The following C1orf198 variants were observed in gnomAD, a reference collection of about 807,000 sequenced individuals.
C1orf198 encodes chromosome 1 open reading frame 198.
In C1orf198, 17 loss-of-function variants were observed where a neutral mutation model predicts 31.4. The observed-to-expected ratio is 0.54, with a 90% CI of 0.37 to 0.81. C1orf198 has a LOEUF of 0.81. Among genes scored for constraint, C1orf198 ranks in the 40% least tolerant of loss-of-function variants. The pLI is 0.00. For missense variants in C1orf198, 401 were observed against 450.3 expected (o/e 0.89, Z 0.99); for synonymous variants, 175 against 193.8 (o/e 0.90, Z 0.81).
intron 1 of C1orf198, among the ~76,000 whole-genome samples, chr1:230,865,819 TCAC>T (rs1670106647): frequency 1.3e-5 from 2 of 152,248 alleles, no homozygotes; most frequent in South Asian, 4.1e-4. Context: ...TAGAAGATGA[TCAC>T]CACATTTGGA....
At chr1:230,851,877 A>C (rs1410804838) in intron 2 of C1orf198, among the ~76,000 whole-genome samples, 1 of 152,226 alleles carries the variant, frequency 6.6e-6, no homozygotes, top group Non-Finnish European at 1.5e-5. Flanking sequence ...ACCGCAGCTC[A>C]TTCTGTGGAG....
rs537917441 is a variant in C1orf198, at chr1:230,837,547, T to C, written c.*2305A>G. On this transcript the variant is annotated 3_prime_UTR_variant, in exon 4 of 4. Transcript: ENST00000366663. Reference sequence around the variant, plus strand: ...ACTCCTGGTTTGAGAAACTCCCTCATGATGAATGGGAGGAAAATCATGGCA... The same window carrying C: ...ACTCCTGGTTTGAGAAACTCCCTCACGATGAATGGGAGGAAAATCATGGCA... The C allele has an allele frequency of 7.2e-5, 11 of 152,328 alleles. No homozygotes were observed. The highest frequency in any genetic ancestry group is 2.9e-5 in the Non-Finnish European group (2 of 68,026). 9.4% of individuals were successfully genotyped at this position (152,328 alleles called of 1,614,324 possible). A position where few individuals can be genotyped will look rare whatever the true frequency, so the allele number is the denominator to read the frequency against.
chr1:230,846,485 G>A (rs1474686487), intron 2 of C1orf198, among the ~76,000 whole-genome samples: 1 of 152,270 alleles, frequency 6.6e-6, no homozygotes, highest in East Asian at 1.9e-4. Flanking sequence ...TACTTTTCCT[G>A]TGTGAAGTGC....
chr1:230,842,294 T>A (rs1002217592), intron 3 of C1orf198, among the ~76,000 whole-genome samples: 3 of 152,204 alleles, frequency 2.0e-5, no homozygotes, highest in Non-Finnish European at 4.4e-5. Context: ...AATGTTTGTA[T>A]ATTTTACCAT....
intron 2 of C1orf198, among the ~76,000 whole-genome samples, chr1:230,854,766 G>A (rs1023122301): frequency 6.6e-6 from 1 of 152,116 alleles, no homozygotes; most frequent in African/African-American, 2.4e-5. Flanking sequence ...GCCTCTCAGG[G>A]TCCTTCATGA....
At position 230,857,419 on chromosome 1, in the gene C1orf198, A is replaced by C. The variant is rs949296269; in HGVS notation, c.334-1701T>G. On this transcript the variant is annotated intron_variant, in intron 1 of 3. Transcript: ENST00000366663. This position sits in a 1 kb window ranked among gnomAD's most constrained non-coding sequence, Gnocchi z 4.2. ...CTTTCACAGGTTGATTTTCCCCCAC[A>C]ATCACCCGCTCCCAACACTCACACT... is the stretch of plus-strand genomic sequence containing the variant. 6.6e-6 allele frequency among the ~76,000 whole-genome samples: 1 copy of C among 152,124 alleles called. No homozygotes were observed. The highest frequency in any genetic ancestry group is 1.5e-5 in the Non-Finnish European group (1 of 68,024).
intron 2 of C1orf198, among the ~76,000 whole-genome samples, chr1:230,853,434 AG>A (rs1303781619): frequency 6.6e-6 from 1 of 152,078 alleles, no homozygotes; most frequent in East Asian, 1.9e-4. Context: ...CTCTTCAAGC[AG>A]GATGGCAGGG....
intron 2 of C1orf198, 39 bp downstream of exon 2, chr1:230,855,629 T>C: frequency 6.3e-7 from 1 of 1,599,406 alleles, no homozygotes; most frequent in Non-Finnish European, 8.5e-7. Flanking sequence ...CTCAGTTCTT[T>C]TTAAAAGAAC....
upstream of C1orf198, chr1:230,868,664 C>T (rs1670185337): frequency 2.0e-6 from 1 of 504,650 alleles, no homozygotes; most frequent in Non-Finnish European, 2.6e-6. Flanking sequence ...GCTCCCCAAG[C>T]CCCGGGACCC....
chr1:230,847,701 T>C (rs1487623233), intron 2 of C1orf198, among the ~76,000 whole-genome samples: 1 of 152,196 alleles, frequency 6.6e-6, no homozygotes, highest in Non-Finnish European at 1.5e-5. Context: ...ATTTCCAAAT[T>C]CCACAACAGA....
intron 2 of C1orf198, among the ~76,000 whole-genome samples, chr1:230,849,584 G>T (rs1267580918): frequency 6.6e-6 from 1 of 152,232 alleles, no homozygotes; most frequent in East Asian, 1.9e-4. Flanking sequence ...AGTTGGCCAT[G>T]TCTGTTCTAA....
chr1:230,866,053 T>A (rs977165563), intron 1 of C1orf198, among the ~76,000 whole-genome samples: 1 of 152,082 alleles, frequency 6.6e-6, no homozygotes, highest in African/African-American at 2.4e-5. Flanking sequence ...AAACTTGGGG[T>A]CACCTATTTG....
chr1:230,849,964 G>T (rs747094355), intron 2 of C1orf198, among the ~76,000 whole-genome samples: 2 of 152,206 alleles, frequency 1.3e-5, no homozygotes, highest in African/African-American at 4.8e-5. Flanking sequence ...GGGCGTGAAC[G>T]TAAGCAAACA....
chr1:230,844,240 G>A (rs1669527830), intron 2 of C1orf198, among the ~76,000 whole-genome samples: 1 of 152,090 alleles, frequency 6.6e-6, no homozygotes, highest in African/African-American at 2.4e-5. Context: ...TCATGATGGT[G>A]ACTTCATGGC....
intron 2 of C1orf198, among the ~76,000 whole-genome samples, chr1:230,851,724 G>A (rs1271571494): frequency 6.6e-6 from 1 of 152,182 alleles, no homozygotes; most frequent in African/African-American, 2.4e-5. Flanking sequence ...CCACAGCCAC[G>A]ATCAGCCTCA....
intron 1 of C1orf198, among the ~76,000 whole-genome samples, chr1:230,863,132 T>C (rs945943154): frequency 2.6e-5 from 4 of 152,246 alleles, no homozygotes; most frequent in Non-Finnish European, 5.9e-5. Context: ...TATTTTTAAC[T>C]CTGCTGAGAT....
chr1:230,866,283 T>C (rs1670119154), intron 1 of C1orf198, among the ~76,000 whole-genome samples: 2 of 152,206 alleles, frequency 1.3e-5, no homozygotes, highest in Admixed American at 6.5e-5. Flanking sequence ...TGTTCCTATG[T>C]ACCTCTGTTA....
intron 1 of C1orf198, among the ~76,000 whole-genome samples, chr1:230,860,059 G>A (rs1572138329): frequency 6.6e-6 from 1 of 152,036 alleles, no homozygotes; most frequent in African/African-American, 2.4e-5. Context: ...AAATTTTGAG[G>A]AATTTCTTGA....
intron 2 of C1orf198, among the ~76,000 whole-genome samples, chr1:230,853,725 C>T (rs1420107241): frequency 6.6e-6 from 1 of 152,182 alleles, no homozygotes; most frequent in African/African-American, 2.4e-5. Context: ...GAAGACTACA[C>T]TTTACTAAAA....
Sources: allele counts gnomAD v4.1 joint callset (sites outside exome capture counted in the v4.1 genomes callset), GRCh38; gene constraint gnomAD v4.1.1; non-coding constraint Gnocchi (gnomAD v3.1); transcripts MANE v1.5; gene names NCBI Gene and HGNC (gene_info 2026-07-23, HGNC 2026-07-21).